The following QKI variants were observed in gnomAD, a reference collection of about 807,000 sequenced individuals.
The protein encoded by QKI is KH domain-containing RNA-binding protein QKI.
A neutral mutation model predicts 39.0 loss-of-function variants in QKI; 10 were observed. The ratio of observed to expected loss-of-function variants is 0.26; its 90% CI spans 0.16 to 0.43. QKI has a LOEUF of 0.43. QKI is among the 20% of genes least tolerant of loss of function. QKI has a pLI of 1.00. For synonymous variants in QKI, 204 were observed against 155.4 expected, an observed-to-expected ratio of 1.31 and a Z score of -2.33; for missense variants, 218 against 428.0, an observed-to-expected ratio of 0.51 and a Z score of 4.33.
At chr6:163,568,984 A>G in intron 7 of QKI, 1 of 985,934 alleles carries the variant, frequency 1.0e-6, no homozygotes, top group Non-Finnish European at 1.2e-6. Context: ...ACACTCAGAA[A>G]AGAAGTCAGA....
At chr6:163,465,143 A>G (rs1791640245) in intron 2 of QKI, among the ~76,000 whole-genome samples, 2 of 152,224 alleles carry the variant, frequency 1.3e-5, no homozygotes, top group African/African-American at 2.4e-5. Context: ...TCCTTTCACA[A>G]TGAAAATTCT....
chr6:163,455,104 C>G (rs1790826779), intron 1 of QKI, 175 bp from the exon 2 acceptor site: 1 of 457,830 alleles, frequency 2.2e-6, no homozygotes, highest in Non-Finnish European at 3.8e-6. Context: ...TTAATTAAGG[C>G]TATAGTCTTG....
chr6:163,476,531 A>G (rs1056023730), intron 2 of QKI, among the ~76,000 whole-genome samples: 5 of 152,252 alleles, frequency 3.3e-5, no homozygotes, highest in African/African-American at 1.2e-4. Context: ...GATGGAAGTC[A>G]TATAATGGAA....
intron 1 of QKI, among the ~76,000 whole-genome samples, chr6:163,437,137 G>A (rs1203177169): frequency 6.6e-6 from 1 of 152,216 alleles, no homozygotes; most frequent in Non-Finnish European, 1.5e-5. Flanking sequence ...GAGAGATGAT[G>A]TAGTTTAATT....
chr6:163,418,542 A>T (rs912225055), intron 1 of QKI, among the ~76,000 whole-genome samples: 1 of 152,066 alleles, frequency 6.6e-6, no homozygotes, highest in Non-Finnish European at 1.5e-5. Context: ...CCACTGAAGT[A>T]TCTTCAACAC....
At chr6:163,543,451 T>C (rs1292817259) in intron 4 of QKI, among the ~76,000 whole-genome samples, 2 of 151,954 alleles carry the variant, frequency 1.3e-5, no homozygotes, top group Admixed American at 6.6e-5. Context: ...GGACCCAGAG[T>C]GTGGTAATTA....
chr6:163,563,565 C>T lies in QKI; in HGVS notation c.780C>T (p.Thr260=), dbSNP rs750076096. Residue 260 remains threonine (T), a synonymous_variant, in exon 6 of 8, where the codon ACC becomes ACT. Coordinates refer to ENST00000361752, the MANE Select transcript of QKI (RefSeq NM_006775.3). ...TGCCTTTGATCAGACAAATACAGAC[C>T]GCTGTCATGCCAAACGGAACTCCTC... ...TIMPLIRQIQ[T]AVMPNGTPHP... 2.9e-5 allele frequency: 46 copies of T among 1,614,020 alleles called. No homozygotes were observed. Among genetic ancestry groups the T allele is most frequent in the Non-Finnish European group, 3.6e-5 (42 of 1,180,046 alleles).
At chr6:163,540,099 G>T (rs1781422365) in intron 4 of QKI, among the ~76,000 whole-genome samples, 1 of 150,384 alleles carries the variant, frequency 6.6e-6, no homozygotes, top group Non-Finnish European at 1.5e-5. Context: ...TATAAAGAAT[G>T]AATAAGTTCT....
chr6:163,508,532 C>CTTTT (rs796358857), intron 3 of QKI, among the ~76,000 whole-genome samples: 1 of 4,492 alleles, frequency 2.2e-4, no homozygotes, highest in South Asian at 0.011. Context: ...TTCTTTCTTT[C>CTTTT]TTTTTTTTTT....
At chr6:163,490,821 A>G (rs1778002859) in intron 3 of QKI, among the ~76,000 whole-genome samples, 1 of 152,180 alleles carries the variant, frequency 6.6e-6, no homozygotes, top group Non-Finnish European at 1.5e-5. Flanking sequence ...GCAGAAGACA[A>G]ATGATCAAGT....
chr6:163,521,516 G>T (rs2128237707), intron 3 of QKI, among the ~76,000 whole-genome samples: 1 of 152,132 alleles, frequency 6.6e-6, no homozygotes, highest in South Asian at 2.1e-4. Flanking sequence ...ATAATTTGGG[G>T]CAGGCAGTTA....
chr6:163,491,409 G>A (rs1442725768), intron 3 of QKI, among the ~76,000 whole-genome samples: 1 of 152,112 alleles, frequency 6.6e-6, no homozygotes, highest in Non-Finnish European at 1.5e-5. Flanking sequence ...TTTGTTTCAG[G>A]ATTGTAAACT....
chr6:163,510,683 A>C (rs550377309), intron 3 of QKI, among the ~76,000 whole-genome samples: 2 of 152,224 alleles, frequency 1.3e-5, no homozygotes, highest in African/African-American at 4.8e-5. Flanking sequence ...TATCAGGTAA[A>C]ATAGATTGCA....
intron 3 of QKI, among the ~76,000 whole-genome samples, chr6:163,517,055 C>CAA (rs1491198409): frequency 2.7e-5 from 2 of 74,718 alleles, no homozygotes; most frequent in East Asian, 1.2e-3. Flanking sequence ...CACACACACA[C>CAA]TCACTCTCTC....
intron 3 of QKI, among the ~76,000 whole-genome samples, chr6:163,529,689 A>G (rs1034543141): frequency 2.0e-5 from 3 of 152,186 alleles, no homozygotes; most frequent in Admixed American, 2.0e-4. Flanking sequence ...TGGGAAGTGA[A>G]TGAACACGGC....
At chr6:163,441,695 C>G (rs939279700) in intron 1 of QKI, among the ~76,000 whole-genome samples, 10 of 152,280 alleles carry the variant, frequency 6.6e-5, no homozygotes, top group Non-Finnish European at 1.5e-4. Context: ...CCTTGAAAAA[C>G]TGGAGCAGAA....
At chr6:163,566,511 C>T (rs1415728315) in intron 6 of QKI, 1 of 1,388,428 alleles carries the variant, frequency 7.2e-7, no homozygotes, top group African/African-American at 1.5e-5. Context: ...TAGGTTAAGG[C>T]CCAAGATGTT....
At chr6:163,498,255 A>G (rs2128230697) in intron 3 of QKI, among the ~76,000 whole-genome samples, 1 of 151,982 alleles carries the variant, frequency 6.6e-6, no homozygotes, top group South Asian at 2.1e-4. Context: ...CAGTCATTTA[A>G]CAAATTTGCA....
At chr6:163,557,385 A>G (rs746836935) in intron 4 of QKI, among the ~76,000 whole-genome samples, 2 of 152,222 alleles carry the variant, frequency 1.3e-5, no homozygotes, top group Non-Finnish European at 2.9e-5. Context: ...TTGCAACAAC[A>G]TGGATGAAAC....
Sources: allele counts gnomAD v4.1 joint callset (sites outside exome capture counted in the v4.1 genomes callset), GRCh38; gene constraint gnomAD v4.1.1; transcripts MANE v1.5; gene names NCBI Gene and HGNC (gene_info 2026-07-23, HGNC 2026-07-21).